The following WDR70 variants were observed in gnomAD, a reference collection of about 807,000 sequenced individuals.
The protein encoded by WDR70 is WD repeat domain 70.
In WDR70, 53 loss-of-function variants were observed where a neutral mutation model predicts 88.6. The observed-to-expected ratio is 0.60, with a 90% confidence interval of 0.48 to 0.75. The LOEUF is 0.75. WDR70 is among the 30% of genes least tolerant of loss of function. The pLI is 0.00. For missense variants in WDR70, 610 were observed against 823.2 expected (o/e 0.74, Z 3.17); for synonymous variants, 280 against 270.0 (o/e 1.04, Z -0.36).
At chr5:37,683,086 T>C (rs749660093) in intron 10 of WDR70, among the ~76,000 whole-genome samples, 7 of 152,232 alleles carry the variant, frequency 4.6e-5, no homozygotes, top group South Asian at 2.1e-4. Flanking sequence ...GTTACTGTTA[T>C]GTAATGTACT....
intron 10 of WDR70, among the ~76,000 whole-genome samples, chr5:37,685,044 G>C (rs775607222): frequency 1.3e-5 from 2 of 152,118 alleles, no homozygotes; most frequent in African/African-American, 2.4e-5. Context: ...GCAGCCAGGG[G>C]TTGGCTGCTC....
At chr5:37,387,481 C>A (rs1269930051) in intron 3 of WDR70, among the ~76,000 whole-genome samples, 1 of 152,094 alleles carries the variant, frequency 6.6e-6, no homozygotes, top group African/African-American at 2.4e-5. Flanking sequence ...ATTGAACTTT[C>A]TTGATTTACA....
chr5:37,705,449 A>T lies in WDR70; in HGVS notation c.1416+2362A>T, dbSNP rs572495541. 1.7e-3 allele frequency among the ~76,000 whole-genome samples: 253 copies of T among 152,288 alleles called. 1 individual carries two copies. Among genetic ancestry groups the T allele is most frequent in the African/African-American group, 5.7e-3 (236 of 41,566 alleles). On this transcript the variant is annotated intron_variant, in intron 13 of 17. Transcript: ENST00000265107. ...TAGATGGATGAAGAGAGAACTTCAA[A>T]TAGGAACAAAACCACACACCCCAAA...
intron 6 of WDR70, 113 bp downstream of exon 6, chr5:37,438,094 A>G (rs531419411): frequency 7.2e-5 from 62 of 855,920 alleles, no homozygotes; most frequent in South Asian, 3.1e-4. Context: ...CTGATGACAT[A>G]AAAGCTATAG....
chr5:37,718,722 C>T (rs548760550), intron 13 of WDR70, among the ~76,000 whole-genome samples: 1 of 152,174 alleles, frequency 6.6e-6, no homozygotes, highest in East Asian at 1.9e-4. Context: ...GTCTCCAGCT[C>T]TACCTAGCAA....
Position 37,479,970 on chromosome 5 carries a change from G to A in WDR70, c.823G>A (p.Asp275Asn). The A allele has an allele frequency of 6.2e-7, 1 of 1,613,124 alleles. No individual in the cohort carries two copies. The highest frequency in any genetic ancestry group is 1.1e-5 in the South Asian group (1 of 90,906). ...ECIKGDQYIV[D>N]MANTKGHTAM... is the part of the protein sequence containing the mutation. ...TATAAAAGGAGACCAGTATATTGTG[G>A]ACATGGCCAACACCAAGGTAAGCAT... Residue 275 changes from aspartate to asparagine, a missense_variant, in exon 8 of 18, where the codon GAC becomes AAC. This residue lies in a region of WDR70 where 83 missense variants were observed against 155.3 expected (regional missense o/e 0.53). Transcript: ENST00000265107.
chr5:37,628,020 G>T (rs373099550), intron 10 of WDR70, among the ~76,000 whole-genome samples: 10 of 152,262 alleles, frequency 6.6e-5, no homozygotes, highest in Admixed American at 4.6e-4. Flanking sequence ...GAATTCCTGG[G>T]CTCAAACGAT....
At chr5:37,569,054 G>T (rs192316446) in intron 9 of WDR70, among the ~76,000 whole-genome samples, 1 of 152,254 alleles carries the variant, frequency 6.6e-6, no homozygotes, top group African/African-American at 2.4e-5. Flanking sequence ...GGCCATTCTG[G>T]ATAAGCCAGT....
intron 9 of WDR70, among the ~76,000 whole-genome samples, chr5:37,537,587 G>GT (rs1169146939): frequency 1.3e-5 from 2 of 151,904 alleles, no homozygotes; most frequent in Non-Finnish European, 2.9e-5. Context: ...TCATGGTTCT[G>GT]TTTTTTTATC....
intron 5 of WDR70, among the ~76,000 whole-genome samples, chr5:37,403,743 TG>T (rs1272643919): frequency 3.3e-5 from 5 of 152,040 alleles, no homozygotes; most frequent in African/African-American, 1.2e-4. Flanking sequence ...TTTTTAAAGA[TG>T]GGGTCTTGTT....
chr5:37,581,204 CAA>C (rs1743207811), intron 9 of WDR70, among the ~76,000 whole-genome samples: 1 of 138,662 alleles, frequency 7.2e-6, no homozygotes, highest in African/African-American at 3.4e-5. Context: ...GTATCCTAAA[CAA>C]AAAACACAAT....
At chr5:37,749,514 T>G (rs1202788461) in intron 17 of WDR70, among the ~76,000 whole-genome samples, 2 of 151,540 alleles carry the variant, frequency 1.3e-5, no homozygotes, top group African/African-American at 4.9e-5. Flanking sequence ...TGTATACTGA[T>G]GTAATGAACC....
chr5:37,409,204 G>T (rs1419297646), intron 5 of WDR70, among the ~76,000 whole-genome samples: 1 of 152,172 alleles, frequency 6.6e-6, no homozygotes, highest in Non-Finnish European at 1.5e-5. Context: ...CTCCTAAAGT[G>T]CTGGGATTAC....
chr5:37,609,923 T>G (rs1013498117), intron 10 of WDR70, among the ~76,000 whole-genome samples: 3 of 152,254 alleles, frequency 2.0e-5, no homozygotes, highest in Non-Finnish European at 4.4e-5. Flanking sequence ...ATGTCTCCAG[T>G]TGCTGTCAGA....
intron 9 of WDR70, among the ~76,000 whole-genome samples, chr5:37,531,818 C>CT (rs147719349): frequency 1.8e-4 from 26 of 148,186 alleles, no homozygotes; most frequent in Middle Eastern, 3.4e-3. Context: ...GCCTGAATAC[C>CT]TTTTTTTTTT....
At chr5:37,669,989 A>G (rs1745976662) in intron 10 of WDR70, among the ~76,000 whole-genome samples, 2 of 152,188 alleles carry the variant, frequency 1.3e-5, no homozygotes, top group African/African-American at 4.8e-5. Context: ...CAGAAACTAA[A>G]TTAGTGGTTG....
chr5:37,675,707 G>C (rs989862608), intron 10 of WDR70, among the ~76,000 whole-genome samples: 7 of 152,142 alleles, frequency 4.6e-5, no homozygotes, highest in Admixed American at 3.3e-4. Flanking sequence ...GGATTGCCTT[G>C]GCGATGCGAG....
chr5:37,486,012 G>A (rs1020644064), intron 8 of WDR70, among the ~76,000 whole-genome samples: 51 of 151,916 alleles, frequency 3.4e-4, no homozygotes, highest in African/African-American at 1.2e-3. Flanking sequence ...ACTGTGCCTG[G>A]CCAACAATAT....
At chr5:37,497,202 C>T (rs1178099218) in intron 8 of WDR70, among the ~76,000 whole-genome samples, 5 of 145,954 alleles carry the variant, frequency 3.4e-5, no homozygotes, top group African/African-American at 5.2e-5. Context: ...TCCCTGCCTC[C>T]GTCCTCCCTC....
Sources: gnomAD v4.1 joint callset for allele counts (sites outside exome capture counted in the v4.1 genomes callset) on GRCh38, gnomAD v4.1.1 for gene constraint, gnomAD v4.1.1 regional missense constraint, MANE v1.5 for transcripts, NCBI Gene and HGNC (gene_info 2026-07-23, HGNC 2026-07-21) for gene names.